The following OCA2 variants were observed in gnomAD, a reference collection of about 807,000 sequenced individuals.
OCA2 encodes P protein.
Under a neutral mutation model 100.2 loss-of-function variants are expected in OCA2, and 77 were observed. The ratio of observed to expected loss-of-function variants is 0.77; its 90% CI spans 0.64 to 0.93. The LOEUF (loss-of-function observed/expected upper bound fraction) is 0.93. Ranked by LOEUF, OCA2 falls within the 40% of genes least tolerant of loss-of-function variation. The pLI, the probability that OCA2 is intolerant of heterozygous loss-of-function variation, is 0.00. For missense variants in OCA2, 1,062 were observed against 1,089.1 expected (o/e 0.98, Z 0.35); for synonymous variants, 432 against 439.2 (o/e 0.98, Z 0.21).
At chr15:27,901,736 T>C (rs891168074) in intron 19 of OCA2, among the ~76,000 whole-genome samples, 1 of 152,222 alleles carries the variant, frequency 6.6e-6, no homozygotes, top group Non-Finnish European at 1.5e-5. Flanking sequence ...ACTTACAATG[T>C]AACATTGCAC....
chr15:27,842,401 T>C (rs925543181), intron 23 of OCA2, among the ~76,000 whole-genome samples: 1 of 152,242 alleles, frequency 6.6e-6, no homozygotes, highest in Admixed American at 6.5e-5. Context: ...ATGAGAGAAA[T>C]GGTAATTCTT....
At chr15:27,914,411 G>A (rs1347929506) in intron 19 of OCA2, among the ~76,000 whole-genome samples, 2 of 152,102 alleles carry the variant, frequency 1.3e-5, no homozygotes, top group East Asian at 3.9e-4. Context: ...AGGAAGAGAG[G>A]AAGTCAAACT....
chr15:28,022,099 G>C (rs944686846), intron 6 of OCA2, among the ~76,000 whole-genome samples: 19 of 152,224 alleles, frequency 1.2e-4, no homozygotes, highest in Non-Finnish European at 2.9e-5. Context: ...ATGCAAGAAG[G>C]CCAGAGCAAG....
At position 27,823,473 on chromosome 15, in the gene OCA2, G is replaced by A. The variant is rs142152661; in HGVS notation, c.2432+21486C>T. ...CCCAAATAATAAATAAGATTTTCCC[G>A]AAATAATAAATCTGCTTAGATAAAA... On this transcript the variant is annotated intron_variant, in intron 23 of 23. Coordinates refer to ENST00000354638, the MANE Select transcript of OCA2 (RefSeq NM_000275.3). Among the ~76,000 whole-genome samples the A allele has an allele frequency of 6.2e-3, 945 of 152,208 alleles. 15 individuals are homozygous for A. The highest frequency in any genetic ancestry group is 0.02 in the African/African-American group (845 of 41,528).
chr15:27,732,354 A>G, the OCA2 span, among the ~76,000 whole-genome samples: 1 of 152,120 alleles, frequency 6.6e-6, no homozygotes, highest in African/African-American at 2.4e-5. Context: ...GAGGGCCCGG[A>G]GACATGGAAG....
intron 9 of OCA2, among the ~76,000 whole-genome samples, chr15:27,997,119 G>GAAA (rs1162172145): frequency 3.5e-3 from 260 of 75,238 alleles, no homozygotes; most frequent in Non-Finnish European, 4.3e-3. Context: ...AAGAAAGGAA[G>GAAA]GAAGGAAGGA....
intron 2 of OCA2, among the ~76,000 whole-genome samples, chr15:28,069,459 C>T (rs1206320550): frequency 8.5e-6 from 1 of 118,196 alleles, no homozygotes; most frequent in Non-Finnish European, 1.7e-5. Flanking sequence ...CCCTCTCATG[C>T]GGGGCCGAAG....
At position 27,755,201 on chromosome 15, in the gene OCA2, G is replaced by T; in HGVS notation, c.*187C>A. 3.3e-6 allele frequency: 2 copies of T among 609,476 alleles called. No homozygotes were observed. Among genetic ancestry groups the T allele is most frequent in the South Asian group, 3.4e-5 (2 of 58,364 alleles). 37.8% of individuals were successfully genotyped at this position (609,476 alleles called of 1,614,324 possible). ...TTGGGGAGAAAGGACACACAGAGGA[G>T]GTCATGGTGTTCCAACATTCGCTTG... On this transcript the variant is annotated 3_prime_UTR_variant, in exon 24 of 24. Transcript: ENST00000354638.
At chr15:27,902,618 C>T (rs1188370344) in intron 19 of OCA2, among the ~76,000 whole-genome samples, 1 of 152,174 alleles carries the variant, frequency 6.6e-6, no homozygotes, top group Non-Finnish European at 1.5e-5. Flanking sequence ...GCAGGGGCCT[C>T]TCCTGGCAGT....
intron 21 of OCA2, among the ~76,000 whole-genome samples, chr15:27,862,236 G>A (rs1159062137): frequency 2.6e-5 from 4 of 151,716 alleles, no homozygotes; most frequent in Admixed American, 6.5e-5. Context: ...AAGCATGGTC[G>A]TCAGCCTCGA....
the OCA2 span, among the ~76,000 whole-genome samples, chr15:27,738,367 G>T: frequency 6.6e-6 from 1 of 152,214 alleles, no homozygotes; most frequent in Non-Finnish European, 1.5e-5. Flanking sequence ...CCACCGATGA[G>T]TGTCATAAAT....
chr15:27,944,599 G>A (rs1018309356), intron 18 of OCA2, among the ~76,000 whole-genome samples: 1 of 152,200 alleles, frequency 6.6e-6, no homozygotes, highest in Non-Finnish European at 1.5e-5. Flanking sequence ...TGAGACTGAT[G>A]GCTCCACCTG....
chr15:27,951,177 A>G (rs1209701885), intron 18 of OCA2, among the ~76,000 whole-genome samples: 1 of 152,228 alleles, frequency 6.6e-6, no homozygotes, highest in Non-Finnish European at 1.5e-5. Context: ...AGAGAGCCAC[A>G]TCTCAGGTGG....
chr15:27,863,172 A>C (rs536728039), intron 21 of OCA2, among the ~76,000 whole-genome samples: 2 of 152,212 alleles, frequency 1.3e-5, no homozygotes, highest in African/African-American at 4.8e-5. Flanking sequence ...GCAGGCACAG[A>C]GCAGCGGTGG....
chr15:27,951,625 C>T (rs1595705968), intron 18 of OCA2, among the ~76,000 whole-genome samples, 159 bp downstream of exon 18: 1 of 152,190 alleles, frequency 6.6e-6, no homozygotes, highest in Non-Finnish European at 1.5e-5. Context: ...GAAAGGCGCC[C>T]TTCTTCCCAG....
intron 23 of OCA2, among the ~76,000 whole-genome samples, chr15:27,770,642 C>T (rs2031661651): frequency 1.3e-5 from 2 of 152,142 alleles, no homozygotes; most frequent in Admixed American, 1.3e-4. Flanking sequence ...AGAACCCGGC[C>T]GCTCCCGTGG....
intron 23 of OCA2, among the ~76,000 whole-genome samples, chr15:27,773,399 A>AT (rs1170761134): frequency 1.3e-5 from 2 of 152,128 alleles, no homozygotes; most frequent in African/African-American, 4.8e-5. Context: ...ATCTCAAGAG[A>AT]TTTTGTGATC....
the OCA2 span, among the ~76,000 whole-genome samples, chr15:27,722,699 TCTTC>T: frequency 8.4e-6 from 1 of 119,080 alleles, no homozygotes; most frequent in Non-Finnish European, 1.7e-5. Context: ...TCTCTCTTTC[TCTTC>T]CTTCCTTTCT....
rs1264067952 is a variant in OCA2, at chr15:27,888,789, A to T, written c.2080-16867T>A. Among the ~76,000 whole-genome samples, 5 of 152,224 alleles carry T rather than the reference A, an allele frequency of 3.3e-5. No homozygotes were observed. In the East Asian group the frequency reaches 9.6e-4, roughly 29 times the overall value. ...ATATATATTTACATGAACTATATGTATATGTGTGTGTATTTACATGAACTA... is the reference window on the plus strand; with the variant it reads ...ATATATATTTACATGAACTATATGTTTATGTGTGTGTATTTACATGAACTA... On this transcript the variant is annotated intron_variant, in intron 19 of 23. Coordinates refer to ENST00000354638, the MANE Select transcript of OCA2 (RefSeq NM_000275.3).
Sources: gnomAD v4.1 joint callset for allele counts (sites outside exome capture counted in the v4.1 genomes callset) on GRCh38, gnomAD v4.1.1 for gene constraint, MANE v1.5 for transcripts, NCBI Gene and HGNC (gene_info 2026-07-23, HGNC 2026-07-21) for gene names.